The following STC2 variants were observed in gnomAD, a reference collection of about 807,000 sequenced individuals.
STC2 encodes the protein stanniocalcin 2.
In STC2, 7 loss-of-function variants were observed where a neutral mutation model predicts 22.7. The ratio of observed to expected loss-of-function variants is 0.31; its 90% CI spans 0.18 to 0.58. The LOEUF (loss-of-function observed/expected upper bound fraction) is 0.58, where lower values mean the gene tolerates loss of function less well. Among genes scored for constraint, STC2 ranks in the 20% least tolerant of loss-of-function variants. STC2 has a pLI of 0.89. For synonymous variants in STC2, 158 were observed against 163.4 expected (o/e 0.97, Z 0.25); for missense variants, 336 against 406.2 (o/e 0.83, Z 1.48).
Position 173,323,311 on chromosome 5 carries a change from T to C in STC2, c.414A>G (p.Glu138=). The change falls in exon 3 of 4, where the codon GAA becomes GAG. Residue 138 remains glutamate (E), a synonymous_variant. Coordinates refer to ENST00000265087, the MANE Select transcript of STC2 (RefSeq NM_003714.3). The surrounding 1 kb of genome is among the most constrained non-coding windows in gnomAD (Gnocchi z 5.4). The part of the protein sequence containing the change: ...IREMVSQLQR[E]CYLKHDLCAA... Reference sequence around the variant, plus strand: ...CGCACAGGTCGTGCTTGAGGTAGCATTCCCGCTGCAACTGGGACACCATTT... The same window carrying C: ...CGCACAGGTCGTGCTTGAGGTAGCACTCCCGCTGCAACTGGGACACCATTT... The C allele has an allele frequency of 6.2e-7, 1 of 1,614,186 alleles. No homozygotes were observed. Among genetic ancestry groups the C allele is most frequent in the Non-Finnish European group, 8.5e-7 (1 of 1,180,028 alleles).
chr5:173,327,729 C>G (rs1430484502), intron 1 of STC2, among the ~76,000 whole-genome samples: 1 of 152,242 alleles, frequency 6.6e-6, no homozygotes, highest in Non-Finnish European at 1.5e-5. Context: ...TGCACCGGAC[C>G]CGGGATTCGG....
chr5:173,315,824 C>T lies in STC2; in HGVS notation c.*2023G>A, dbSNP rs1000661026. 1 of 152,270 alleles carries T rather than the reference C, an allele frequency of 6.6e-6. No individual in the cohort carries two copies. Among genetic ancestry groups the T allele is most frequent in the Non-Finnish European group, 1.5e-5 (1 of 68,074 alleles). The allele number at this position is 152,270 out of a possible 1,614,324, so 9.4% of individuals were successfully genotyped here. ...AGCTGGATTAAGTGCACCAGCTCTT[C>T]TGTTCTCTGCAGCCCCAGATCTTGC... On this transcript the variant is annotated 3_prime_UTR_variant, in exon 4 of 4. Coordinates refer to ENST00000265087, the MANE Select transcript of STC2 (RefSeq NM_003714.3).
intron 3 of STC2, among the ~76,000 whole-genome samples, chr5:173,322,167 C>A (rs903627916): frequency 6.6e-6 from 1 of 152,122 alleles, no homozygotes; most frequent in Non-Finnish European, 1.5e-5. Context: ...AAAATTATAC[C>A]GATTTGGCTC....
Position 173,328,198 on chromosome 5 carries a change from C to T in STC2, c.-5G>A, listed in dbSNP as rs745805619. On this transcript the variant is annotated 5_prime_UTR_variant, in exon 1 of 4. Transcript: ENST00000265087. ...GCCCAGCCGCTCGGCACACATGGTT[C>T]TTGGTATTAACCTCCCGTCGGGAGA... 1.3e-6 allele frequency: 2 copies of T among 1,488,626 alleles called. No homozygotes were observed. Among genetic ancestry groups the T allele is most frequent in the South Asian group, 1.4e-5 (1 of 71,446 alleles). The allele number at this position is 1,488,626 out of a possible 1,614,324, so 92.2% of individuals were successfully genotyped here.
Position 173,323,464 on chromosome 5 carries a change from G to T in STC2, c.295-34C>A. ...ACACAGGCCGGGGAAGGGAGAGAGG[G>T]GCAGAAAGCAGAAGACCTCGTTACA... On this transcript the variant is annotated intron_variant, in intron 2 of 3. Transcript: ENST00000265087. This position sits in a 1 kb window ranked among gnomAD's most constrained non-coding sequence, Gnocchi z 5.4. The T allele has an allele frequency of 6.4e-7, 1 of 1,563,814 alleles. No individual in the cohort carries two copies. Among genetic ancestry groups the T allele is most frequent in the East Asian group, 2.3e-5 (1 of 43,082 alleles).
chr5:173,318,387 G>A (rs552326481), intron 3 of STC2, 138 bp from the exon 4 acceptor site: 14 of 910,570 alleles, frequency 1.5e-5, no homozygotes, highest in Admixed American at 3.7e-5. Flanking sequence ...TCTTGGGTTC[G>A]GTGGAAGATC....
At position 173,325,752 on chromosome 5, in the gene STC2, C is replaced by T. The variant is rs1021782373; in HGVS notation, c.294+116G>A. 5.7e-6 allele frequency: 8 copies of T among 1,414,474 alleles called. No homozygotes were observed. Among genetic ancestry groups the T allele is most frequent in the Admixed American group, 3.5e-5 (2 of 56,918 alleles). The allele number at this position is 1,414,474 out of a possible 1,614,324, so 87.6% of individuals were successfully genotyped here. ...TTATACCTAGACTGTCGCTTGCAAG[C>T]ACTAAAACACACCACAAGGAACAGC... On this transcript the variant is annotated intron_variant, in intron 2 of 3. Coordinates refer to ENST00000265087, the MANE Select transcript of STC2 (RefSeq NM_003714.3). The surrounding 1 kb of genome is among the most constrained non-coding windows in gnomAD (Gnocchi z 4.7).
chr5:173,318,248 G>A lies in STC2; in HGVS notation c.508C>T (p.Pro170Ser). ...AGCAAGTTCACGAGGTCCACGTAGG[G>A]TCTAAAGATTGAAAGCAAAGAGAGA... ...IHFKDLLLHEPYVDLVNLLLT... is the reference protein window; with the variant it reads ...IHFKDLLLHESYVDLVNLLLT... Residue 170 changes from proline to serine, a missense_variant and splice_region_variant, in exon 4 of 4, where the codon CCC (proline) becomes TCC (serine). By Grantham distance (74) the Pro-to-Ser change is moderately conservative. Around this residue, in one of 3 missense-constraint regions of STC2, gnomAD observed 215 missense variants for 231.5 expected, o/e 0.93. Coordinates refer to ENST00000265087, the MANE Select transcript of STC2 (RefSeq NM_003714.3). 1 of 1,434,224 alleles carries A rather than the reference G, an allele frequency of 7.0e-7. No individual in the cohort carries two copies. The allele number at this position is 1,434,224 out of a possible 1,614,324, so 88.8% of individuals were successfully genotyped here. A position where few individuals can be genotyped will look rare whatever the true frequency, so the allele number is the denominator to read the frequency against.
chr5:173,326,431 G>T (rs1219268283), intron 1 of STC2, among the ~76,000 whole-genome samples: 3 of 152,322 alleles, frequency 2.0e-5, no homozygotes, highest in Admixed American at 1.3e-4. Flanking sequence ...TACTTGATCT[G>T]TAGAAGTTGC....
chr5:173,328,080 G>A lies in STC2; in HGVS notation c.114C>T (p.Ser38=), dbSNP rs147001479. The change falls in exon 1 of 4, where the codon AGC becomes AGT. Residue 38 remains serine (S), a synonymous_variant. Coordinates refer to ENST00000265087, the MANE Select transcript of STC2 (RefSeq NM_003714.3). ...GGGACAGGCGGCCTTTCTGCTGGGAGCTCCTGTCTTGGGGACCCTCGGGTG... is the reference window on the plus strand; with the variant it reads ...GGGACAGGCGGCCTTTCTGCTGGGAACTCCTGTCTTGGGGACCCTCGGGTG... The part of the protein sequence containing the change: ...TNPPEGPQDR[S]SQQKGRLSLQ... 2 of 1,594,592 alleles carry A rather than the reference G, an allele frequency of 1.3e-6. No homozygotes were observed. The highest frequency in any genetic ancestry group is 1.7e-6 in the Non-Finnish European group (2 of 1,170,990).
At position 173,323,972 on chromosome 5, in the gene STC2, C is replaced by T. The variant is rs1309540315; in HGVS notation, c.295-542G>A. 5 of 167,308 alleles carry T rather than the reference C, an allele frequency of 3.0e-5. No individual in the cohort carries two copies. In the East Asian group the frequency reaches 8.5e-4, roughly 28 times the overall value. 10.4% of individuals were successfully genotyped at this position (167,308 alleles called of 1,614,324 possible). A position where few individuals can be genotyped will look rare whatever the true frequency, so the allele number is the denominator to read the frequency against. On this transcript the variant is annotated intron_variant, in intron 2 of 3. Coordinates refer to ENST00000265087, the MANE Select transcript of STC2 (RefSeq NM_003714.3). The surrounding 1 kb of genome is among the most constrained non-coding windows in gnomAD (Gnocchi z 5.4). ...TTTCTGCCTCCGTGCCTCCCACGCC[C>T]CAAATCCATACCCTTGTCTCCTCCT...
rs4041247 is a variant in STC2 at position 173,318,266 on chromosome 5, AAGAGAGAGAGAGAG to A, written c.507-31_507-18del. ...ACGTAGGGTCTAAAGATTGAAAGCA[AAGAGAGAGAGAGAG>A]AGAGAGAGAGAGAGAGAGAGGCTGG... On this transcript the variant is annotated intron_variant, in intron 3 of 3. Transcript: ENST00000265087. 18 of 1,235,834 alleles carry A rather than the reference AAGAGAGAGAGAGAG, an allele frequency of 1.5e-5. No homozygotes were observed. Among genetic ancestry groups the A allele is most frequent in the Middle Eastern group, 2.6e-4 (1 of 3,918 alleles). The allele number at this position is 1,235,834 out of a possible 1,614,324, so 76.6% of individuals were successfully genotyped here. A position where few individuals can be genotyped will look rare whatever the true frequency, so the allele number is the denominator to read the frequency against.
In STC2 at chr5:173,315,567, A is replaced by G. The variant is rs1762410616; in HGVS notation, c.*2280T>C. 1 of 152,268 alleles carries G rather than the reference A, an allele frequency of 6.6e-6. No individual in the cohort carries two copies. The highest frequency in any genetic ancestry group is 2.4e-5 in the African/African-American group (1 of 41,462). 9.4% of individuals were successfully genotyped at this position (152,268 alleles called of 1,614,324 possible). On this transcript the variant is annotated 3_prime_UTR_variant, in exon 4 of 4. Coordinates refer to ENST00000265087, the MANE Select transcript of STC2 (RefSeq NM_003714.3). ...CAGTAGGCGAACACATAAAACATTT[A>G]CACGGAGGAAAATGGAAATGTGATG...
intron 3 of STC2, among the ~76,000 whole-genome samples, chr5:173,320,391 G>T (rs574632585): frequency 6.6e-6 from 1 of 152,222 alleles, no homozygotes; most frequent in Non-Finnish European, 1.5e-5. Context: ...GGGTGTGTGT[G>T]CCGAACCAAG....
At chr5:173,327,568 T>C (rs866365933) in intron 1 of STC2, among the ~76,000 whole-genome samples, 17 of 152,232 alleles carry the variant, frequency 1.1e-4, no homozygotes, top group South Asian at 2.1e-4. Flanking sequence ...GGCAAAGTTC[T>C]GGGATGTCGG....
At chr5:173,320,907 A>C (rs1762476882) in intron 3 of STC2, among the ~76,000 whole-genome samples, 1 of 151,938 alleles carries the variant, frequency 6.6e-6, no homozygotes, top group Non-Finnish European at 1.5e-5. Context: ...GTTGGGAAAA[A>C]AAAACCTAAA....
At position 173,325,089 on chromosome 5, in the gene STC2, A is replaced by G. The variant is rs1475971246; in HGVS notation, c.294+779T>C. ...CCTCCAAATGTTGGCATTGCTCTCC[A>G]ATGAAGCAGGAGAGACGTTTCTGAG... On this transcript the variant is annotated intron_variant, in intron 2 of 3. Coordinates refer to ENST00000265087, the MANE Select transcript of STC2 (RefSeq NM_003714.3). The surrounding 1 kb of genome is among the most constrained non-coding windows in gnomAD (Gnocchi z 4.7). Among the ~76,000 whole-genome samples the G allele has an allele frequency of 2.0e-5, 3 of 152,208 alleles. No individual in the cohort carries two copies. Among genetic ancestry groups the G allele is most frequent in the Non-Finnish European group, 4.4e-5 (3 of 68,040 alleles).
Position 173,316,287 on chromosome 5 carries a change from C to A in STC2, c.*1560G>T, listed in dbSNP as rs942539827. 2 of 152,120 alleles carry A rather than the reference C, an allele frequency of 1.3e-5. No homozygotes were observed. The highest frequency in any genetic ancestry group is 4.8e-5 in the African/African-American group (2 of 41,418). The allele number at this position is 152,120 out of a possible 1,614,324, so 9.4% of individuals were successfully genotyped here. A position where few individuals can be genotyped will look rare whatever the true frequency, so the allele number is the denominator to read the frequency against. ...CAGAGTTGAGTAGTTTCGACAGAGACCTCACGGCTCGCCAAACTGAAAGTA... is the reference window on the plus strand; with the variant it reads ...CAGAGTTGAGTAGTTTCGACAGAGAACTCACGGCTCGCCAAACTGAAAGTA... On this transcript the variant is annotated 3_prime_UTR_variant, in exon 4 of 4. Coordinates refer to ENST00000265087, the MANE Select transcript of STC2 (RefSeq NM_003714.3).
intron 1 of STC2, among the ~76,000 whole-genome samples, chr5:173,327,400 C>CCG (rs1460078343): frequency 1.3e-5 from 2 of 152,372 alleles, no homozygotes; most frequent in Middle Eastern, 3.4e-3. Flanking sequence ...GCAGAGGAGG[C>CCG]GCACGGTTCG....
Sources: gnomAD v4.1 joint callset for allele counts (sites outside exome capture counted in the v4.1 genomes callset) on GRCh38, gnomAD v4.1.1 for gene constraint, gnomAD v4.1.1 regional missense constraint, Gnocchi (gnomAD v3.1) non-coding constraint, MANE v1.5 for transcripts, NCBI Gene and HGNC (gene_info 2026-07-23, HGNC 2026-07-21) for gene names.